USP24: variants seen among roughly 807,000 people sequenced by gnomAD.
USP24 encodes ubiquitin carboxyl-terminal hydrolase 24.
A neutral mutation model predicts 361.6 loss-of-function variants in USP24; 97 were observed. The observed-to-expected ratio is 0.27, with a 90% confidence interval of 0.23 to 0.32. USP24 has a LOEUF of 0.32. Among genes scored for constraint, USP24 ranks in the 10% least tolerant of loss-of-function variants. The pLI, the probability that USP24 is intolerant of heterozygous loss-of-function variation, is 1.00. For synonymous variants in USP24, 1,098 were observed against 1,124.6 expected (o/e 0.98, Z 0.47); for missense variants, 2,353 against 3,165.6 (o/e 0.74, Z 6.16).
Position 55,154,352 on chromosome 1 carries a change from A to C in USP24, c.1650+19T>G, listed in dbSNP as rs1647399799. ...GCTTTGAGCATTTGTAGCTAGAAAA[A>C]TCCATTTGATTCTCCTGCCTTTCCA... On this transcript the variant is annotated intron_variant, in intron 14 of 67. Coordinates refer to ENST00000294383, the MANE Select transcript of USP24 (RefSeq NM_015306.3). 1 of 1,554,210 alleles carries C rather than the reference A, an allele frequency of 6.4e-7. No individual in the cohort carries two copies. Among genetic ancestry groups the C allele is most frequent in the Non-Finnish European group, 8.7e-7 (1 of 1,148,356 alleles).
At chr1:55,079,793 T>TAAGTACTCTCACAGAGTACTCACACA in intron 59 of USP24, 134 bp from the exon 60 acceptor site, 1 of 1,051,220 alleles carries the variant, frequency 9.5e-7, no homozygotes, top group Non-Finnish European at 1.3e-6. Context: ...ACTCACACAC[T>TAAGTACTCTCACAGAGTACTCACACA]GAGTACTCAC....
intron 12 of USP24, among the ~76,000 whole-genome samples, chr1:55,155,133 C>A (rs1430444601): frequency 1.3e-5 from 2 of 152,104 alleles, no homozygotes; most frequent in Non-Finnish European, 2.9e-5. Context: ...CAAATGTACC[C>A]ACTTTTGACA....
rs1353897225 is a variant in USP24 at position 55,154,739 on chromosome 1, T to C, written c.1486A>G (p.Ile496Val). The change falls in exon 13 of 68, where the codon ATT (isoleucine) becomes GTT (valine). Residue 496 changes from isoleucine to valine, a missense_variant. Coordinates refer to ENST00000294383, the MANE Select transcript of USP24 (RefSeq NM_015306.3). ...SSTVIENIHTIIAAAAVKFNS... is the reference protein window; with the variant it reads ...SSTVIENIHTVIAAAAVKFNS... Reference sequence around the variant, plus strand: ...AATTTCACAGCCGCTGCAGCAATAATAGTATGAATGTTCTCAATCACAGTA... The same window carrying C: ...AATTTCACAGCCGCTGCAGCAATAACAGTATGAATGTTCTCAATCACAGTA... The C allele has an allele frequency of 6.2e-7, 1 of 1,613,264 alleles. No homozygotes were observed. The highest frequency in any genetic ancestry group is 2.2e-5 in the East Asian group (1 of 44,832).
intron 7 of USP24, among the ~76,000 whole-genome samples, chr1:55,165,683 T>C (rs1648760548): frequency 6.6e-6 from 1 of 152,032 alleles, no homozygotes; most frequent in South Asian, 2.1e-4. Context: ...GAAAAAATAG[T>C]GAGGAAAAAA....
At chr1:55,151,704 G>A (rs1647197824) in intron 16 of USP24, among the ~76,000 whole-genome samples, 1 of 152,136 alleles carries the variant, frequency 6.6e-6, no homozygotes, top group Non-Finnish European at 1.5e-5. Flanking sequence ...AGGTATAGAA[G>A]CAGCAAAGGA....
rs528622605 is a variant in USP24, at chr1:55,198,691, A to T, written c.324+16099T>A. ...CTTGATATCTCCATACCTCAGTTTC[A>T]TCTATAAAATGAAAATATTTACCTA... On this transcript the variant is annotated intron_variant, in intron 1 of 67. Transcript: ENST00000294383. Among the ~76,000 whole-genome samples the T allele has an allele frequency of 6.6e-5, 10 of 152,296 alleles. No homozygotes were observed. The South Asian group carries it at 2.1e-3, about 32-fold the overall frequency.
At chr1:55,186,336 A>T (rs1242655207) in intron 1 of USP24, among the ~76,000 whole-genome samples, 2 of 152,214 alleles carry the variant, frequency 1.3e-5, no homozygotes, top group Non-Finnish European at 2.9e-5. Flanking sequence ...AGAGTATAAA[A>T]CTGTGCACCT....
At chr1:55,175,568 G>A (rs1461422644) in intron 3 of USP24, among the ~76,000 whole-genome samples, 1 of 152,080 alleles carries the variant, frequency 6.6e-6, no homozygotes, top group African/African-American at 2.4e-5. Context: ...CCCATCTGTA[G>A]TTCTAGTGAC....
intron 17 of USP24, among the ~76,000 whole-genome samples, chr1:55,148,185 C>T (rs891615867): frequency 6.6e-6 from 1 of 151,152 alleles, no homozygotes; most frequent in African/African-American, 2.4e-5. Context: ...TCTTTTCAAA[C>T]CAATTTTTAA....
chr1:55,121,371 A>G, intron 37 of USP24, 65 bp downstream of exon 37: 1 of 1,418,068 alleles, frequency 7.1e-7, no homozygotes, highest in Non-Finnish European at 9.9e-7. Context: ...TGTCACAGGT[A>G]GTTGAGACAG....
chr1:55,160,797 T>A (rs191554263), intron 8 of USP24, among the ~76,000 whole-genome samples: 2 of 152,298 alleles, frequency 1.3e-5, no homozygotes, highest in East Asian at 3.9e-4. Flanking sequence ...TAGCAAGGCA[T>A]GAGCAAAGAG....
At chr1:55,082,067 G>GC (rs1553143670) in intron 58 of USP24, among the ~76,000 whole-genome samples, 1 of 152,136 alleles carries the variant, frequency 6.6e-6, no homozygotes, top group Non-Finnish European at 1.5e-5. Context: ...GTCAGTACTT[G>GC]TTTTTTTAAC....
intron 1 of USP24, among the ~76,000 whole-genome samples, chr1:55,187,650 C>T (rs971462874): frequency 2.6e-5 from 4 of 152,040 alleles, no homozygotes; most frequent in African/African-American, 9.7e-5. Flanking sequence ...TATTTCTATA[C>T]ACTAACAATG....
intron 1 of USP24, among the ~76,000 whole-genome samples, chr1:55,208,915 G>A (rs1335233659): frequency 6.6e-6 from 1 of 151,938 alleles, no homozygotes; most frequent in African/African-American, 2.4e-5. Context: ...CAGCCTGGGT[G>A]AAAGAGCAAA....
At chr1:55,200,258 C>T (rs1375796093) in intron 1 of USP24, among the ~76,000 whole-genome samples, 1 of 152,160 alleles carries the variant, frequency 6.6e-6, no homozygotes, top group Non-Finnish European at 1.5e-5. Flanking sequence ...CACAACATTC[C>T]CTACTCTGTC....
chr1:55,097,463 G>C, intron 48 of USP24, 135 bp downstream of exon 48: 4 of 1,330,244 alleles, frequency 3.0e-6, no homozygotes, highest in Middle Eastern at 2.7e-4. Flanking sequence ...AGCTGCCTAA[G>C]ATAAGGGGCT....
intron 7 of USP24, among the ~76,000 whole-genome samples, chr1:55,162,708 C>T (rs902093423): frequency 3.9e-5 from 6 of 152,038 alleles, no homozygotes; most frequent in African/African-American, 1.4e-4. Flanking sequence ...ATGGAAAAGA[C>T]CATTATTGTA....
At chr1:55,119,570 A>G (rs1382394334) in intron 38 of USP24, among the ~76,000 whole-genome samples, 2 of 152,028 alleles carry the variant, frequency 1.3e-5, no homozygotes, top group Non-Finnish European at 2.9e-5. Flanking sequence ...TGTTATGTAT[A>G]TTTACCACAA....
chr1:55,169,525 A>G (rs1249806260), intron 5 of USP24, among the ~76,000 whole-genome samples: 1 of 152,202 alleles, frequency 6.6e-6, no homozygotes, highest in Non-Finnish European at 1.5e-5. Context: ...TCACATTACA[A>G]TCAAATTTAC....
Sources: allele counts gnomAD v4.1 joint callset (sites outside exome capture counted in the v4.1 genomes callset), GRCh38; gene constraint gnomAD v4.1.1; transcripts MANE v1.5; gene names NCBI Gene and HGNC (gene_info 2026-07-23, HGNC 2026-07-21).